Variants in FAM193A observed in about 807,000 individuals in gnomAD.
FAM193A encodes the protein protein FAM193A.
FAM193A carries 22 observed loss-of-function variants against 126.5 expected under a neutral mutation model. The observed-to-expected ratio is 0.17, with a 90% CI of 0.12 to 0.25. The LOEUF (loss-of-function observed/expected upper bound fraction) is 0.25. FAM193A is among the 10% of genes least tolerant of loss of function. FAM193A has a pLI of 1.00. For synonymous variants in FAM193A, 761 were observed against 646.8 expected (o/e 1.18, Z -2.68); for missense variants, 1,675 against 1,672.8 (o/e 1.00, Z -0.02).
chr4:2,692,950 C>A (rs1022284738), intron 15 of FAM193A, among the ~76,000 whole-genome samples: 7 of 152,082 alleles, frequency 4.6e-5, no homozygotes, highest in Admixed American at 4.6e-4. Context: ...CACCTGTAGT[C>A]CCAGCACTTT....
intron 5 of FAM193A, among the ~76,000 whole-genome samples, chr4:2,638,258 G>A (rs1434783092): frequency 6.6e-6 from 1 of 152,244 alleles, no homozygotes; most frequent in Admixed American, 6.5e-5. Flanking sequence ...AACTCCTGGA[G>A]AGCAGCGGAC....
chr4:2,710,161 G>GTTTTTTTTTTTTTTTTTTTT (rs796903801), intron 19 of FAM193A, among the ~76,000 whole-genome samples: 78 of 91,806 alleles, frequency 8.5e-4, no homozygotes, highest in South Asian at 1.3e-3. Flanking sequence ...TTCTTCTTTT[G>GTTTTTTTTTTTTTTTTTTTT]TTTTTTTTTT....
chr4:2,707,407 C>T (rs1392840374), intron 19 of FAM193A, among the ~76,000 whole-genome samples: 1 of 152,050 alleles, frequency 6.6e-6, no homozygotes, highest in Non-Finnish European at 1.5e-5. Flanking sequence ...TCTGAACTAT[C>T]CAATACAGTA....
At chr4:2,560,718 G>A (rs969692352) in intron 1 of FAM193A, among the ~76,000 whole-genome samples, 3 of 152,140 alleles carry the variant, frequency 2.0e-5, no homozygotes, top group African/African-American at 7.2e-5. Context: ...CAGCTTTGTC[G>A]TTTCTCTCCT....
chr4:2,695,490 C>T (rs930824956), intron 17 of FAM193A, among the ~76,000 whole-genome samples: 14 of 152,172 alleles, frequency 9.2e-5, no homozygotes, highest in African/African-American at 3.4e-4. Context: ...GGCGTTGGTA[C>T]ACACACATAC....
At chr4:2,538,809 T>TA (rs1737048777) in intron 1 of FAM193A, among the ~76,000 whole-genome samples, 1 of 152,214 alleles carries the variant, frequency 6.6e-6, no homozygotes, top group Non-Finnish European at 1.5e-5. Flanking sequence ...ATAAAATTCT[T>TA]AGTTTTAGCC....
chr4:2,708,742 G>C (rs1009751300), intron 19 of FAM193A, among the ~76,000 whole-genome samples: 1 of 152,130 alleles, frequency 6.6e-6, no homozygotes, highest in Non-Finnish European at 1.5e-5. Context: ...GAATTAACAG[G>C]TGTGAGCCCC....
chr4:2,672,353 C>G lies in FAM193A; in HGVS notation c.2312C>G (p.Pro771Arg). The change falls in exon 13 of 21, where the codon CCC becomes CGC. Residue 771 changes from proline (P) to arginine (R), a missense_variant. By Grantham distance (103) the Pro-to-Arg change is moderately radical (BLOSUM62 -2). Transcript: ENST00000637812. Reference protein sequence around the residue: ...PLIHPTLYATPPFTHSKALPP... With the variant: ...PLIHPTLYATRPFTHSKALPP... The stretch of plus-strand genomic sequence containing the variant: ...ATCCACCCCACCTTGTATGCAACGC[C>G]CCCCTTCACACACAGTAAGGTAAGT... The G allele has an allele frequency of 6.2e-7, 1 of 1,614,180 alleles. No homozygotes were observed. The highest frequency in any genetic ancestry group is 8.5e-7 in the Non-Finnish European group (1 of 1,180,040).
At chr4:2,625,729 T>C (rs1742891593) in intron 3 of FAM193A, among the ~76,000 whole-genome samples, 1 of 144,560 alleles carries the variant, frequency 6.9e-6, no homozygotes. Flanking sequence ...CTTTTTTTTT[T>C]TTTTTTTTTT....
At chr4:2,552,168 C>G (rs957992422) in intron 1 of FAM193A, among the ~76,000 whole-genome samples, 2 of 151,010 alleles carry the variant, frequency 1.3e-5, no homozygotes, top group Middle Eastern at 3.2e-3. Flanking sequence ...CCCACCACCA[C>G]GCCCGACTAA....
chr4:2,632,766 T>C (rs1743722200), intron 5 of FAM193A, among the ~76,000 whole-genome samples: 1 of 152,142 alleles, frequency 6.6e-6, no homozygotes, highest in African/African-American at 2.4e-5. Context: ...TTCCTTCTGG[T>C]ACCTCGTCCT....
chr4:2,598,859 G>A (rs540494004), intron 2 of FAM193A, among the ~76,000 whole-genome samples: 1 of 152,312 alleles, frequency 6.6e-6, no homozygotes, highest in East Asian at 1.9e-4. Flanking sequence ...GTCTCCGATG[G>A]TGGCATCTTC....
At chr4:2,582,686 C>T (rs1275131547) in intron 1 of FAM193A, among the ~76,000 whole-genome samples, 1 of 151,494 alleles carries the variant, frequency 6.6e-6, no homozygotes, top group Non-Finnish European at 1.5e-5. Context: ...ATTTCTTCTG[C>T]TGTTTAGAGT....
intron 4 of FAM193A, 32 bp downstream of exon 4, chr4:2,626,609 T>A (rs1435750352): frequency 3.0e-6 from 2 of 675,344 alleles, no homozygotes; most frequent in Non-Finnish European, 5.5e-6. Flanking sequence ...TGTGGCCCCA[T>A]GCAAACCCCT....
In FAM193A at chr4:2,699,755, C is replaced by A; in HGVS notation, c.3583C>A (p.Arg1195=). The change falls in exon 19 of 21, where the codon CGG becomes AGG. Residue 1195 remains arginine, a synonymous_variant. Transcript: ENST00000637812. ...GCACCTCCAGGAGGAGCAGAGGCGGCGGGAGGAGGAGGAGGATGAGGAAGA... is the reference window on the plus strand; with the variant it reads ...GCACCTCCAGGAGGAGCAGAGGCGGAGGGAGGAGGAGGAGGATGAGGAAGA... ...HLHLQEEQRR[R]EEEEDEEEEE... is the part of the protein sequence containing the mutation. 2 of 1,613,444 alleles carry A rather than the reference C, an allele frequency of 1.2e-6. No homozygotes were observed. The highest frequency in any genetic ancestry group is 1.7e-6 in the Non-Finnish European group (2 of 1,179,852).
chr4:2,647,799 C>CT (rs1251608403), intron 7 of FAM193A, among the ~76,000 whole-genome samples: 3 of 152,210 alleles, frequency 2.0e-5, no homozygotes, highest in Non-Finnish European at 2.9e-5. Flanking sequence ...GAAGGAATGA[C>CT]TGAGTTTCTC....
chr4:2,630,114 A>G (rs1223467653), intron 4 of FAM193A, among the ~76,000 whole-genome samples: 1 of 151,056 alleles, frequency 6.6e-6, no homozygotes, highest in Admixed American at 6.6e-5. Context: ...CCTGGGCGAC[A>G]GAGTGAGACT....
At chr4:2,592,265 T>A (rs1227081373) in intron 1 of FAM193A, among the ~76,000 whole-genome samples, 1 of 152,202 alleles carries the variant, frequency 6.6e-6, no homozygotes, top group African/African-American at 2.4e-5. Context: ...ATTTTTTGTA[T>A]TTTTAGTAGA....
chr4:2,582,452 C>G (rs754073411), intron 1 of FAM193A, among the ~76,000 whole-genome samples: 13 of 152,116 alleles, frequency 8.5e-5, no homozygotes, highest in Non-Finnish European at 1.9e-4. Flanking sequence ...TTATTTCCTT[C>G]CTTCCTTCTC....
Sources: gnomAD v4.1 joint callset for allele counts (sites outside exome capture counted in the v4.1 genomes callset) on GRCh38, gnomAD v4.1.1 for gene constraint, MANE v1.5 for transcripts, NCBI Gene and HGNC (gene_info 2026-07-23, HGNC 2026-07-21) for gene names.